The following NTRK1 variants were observed in gnomAD, a reference collection of about 807,000 sequenced individuals.
NTRK1 encodes high affinity nerve growth factor receptor.
In NTRK1, 62 loss-of-function variants were observed where a neutral mutation model predicts 86.8. That is an observed-to-expected ratio of 0.71 (90% CI 0.58 to 0.88). The LOEUF (loss-of-function observed/expected upper bound fraction) is 0.88, where lower values mean the gene tolerates loss of function less well. Ranked by LOEUF, NTRK1 falls within the 40% of genes least tolerant of loss-of-function variation. NTRK1 has a pLI of 0.00. For missense variants in NTRK1, 967 were observed against 1,078.4 expected (o/e 0.90, Z 1.45); for synonymous variants, 469 against 456.6 (o/e 1.03, Z -0.35).
At chr1:156,825,840 G>A (rs1654303505) in intron 1 of NTRK1, among the ~76,000 whole-genome samples, 1 of 152,220 alleles carries the variant, frequency 6.6e-6, no homozygotes, top group South Asian at 2.1e-4. Context: ...ACTGTGCTAA[G>A]TGCTTTACCG....
At chr1:156,826,293 C>CTT (rs386368405) in intron 1 of NTRK1, among the ~76,000 whole-genome samples, 2,521 of 88,276 alleles carry the variant, frequency 0.029, 382 homozygotes, top group African/African-American at 0.084. Flanking sequence ...GACTTGAGCT[C>CTT]TTTTTTTTTT....
chr1:156,833,938 C>A (rs530805765), intron 1 of NTRK1, among the ~76,000 whole-genome samples: 1 of 152,332 alleles, frequency 6.6e-6, no homozygotes, highest in South Asian at 2.1e-4. Flanking sequence ...AACCTCAACT[C>A]GCCTCTTTGT....
intron 2 of NTRK1, chr1:156,846,827 A>C: frequency 8.1e-7 from 1 of 1,242,152 alleles, no homozygotes; most frequent in Non-Finnish European, 1.2e-6. Flanking sequence ...CCCGCTCTGA[A>C]TCACCCCAGG....
chr1:156,860,979 G>T lies in NTRK1; in HGVS notation c.45G>T (p.Trp15Cys). 6.6e-7 allele frequency: 1 copy of T among 1,524,774 alleles called. No homozygotes were observed. Among genetic ancestry groups the T allele is most frequent in the South Asian group, 1.2e-5 (1 of 82,572 alleles). The allele number at this position is 1,524,774 out of a possible 1,614,324, so 94.5% of individuals were successfully genotyped here. Residue 15 changes from tryptophan to cysteine, a missense_variant, in exon 1 of 17, where the codon TGG becomes TGT. Coordinates refer to ENST00000524377, the MANE Select transcript of NTRK1 (RefSeq NM_002529.4). The part of the protein sequence containing the change: ...GRRGQLGWHS[W>C]AAGPGSLLAW... ...GCGGGCAGCTTGGCTGGCACAGCTG[G>T]GCTGCGGGGCCGGGCAGCCTGCTGG...
intron 7 of NTRK1, among the ~76,000 whole-genome samples, chr1:156,872,055 G>A (rs1430415207): frequency 6.6e-6 from 1 of 151,996 alleles, no homozygotes; most frequent in Non-Finnish European, 1.5e-5. Context: ...TTTCATGCCC[G>A]TCCCTCATCG....
At position 156,879,303 on chromosome 1, in the gene NTRK1, G is replaced by A. The variant is rs1571702915; in HGVS notation, c.1987G>A (p.Val663Met). Residue 663 changes from valine (V) to methionine (M), a missense_variant, in exon 15 of 17, where the codon GTG becomes ATG. Coordinates refer to ENST00000524377, the MANE Select transcript of NTRK1 (RefSeq NM_002529.4). Reference protein sequence around the residue: ...TRNCLVGQGLVVKIGDFGMSR... With the variant: ...TRNCLVGQGLMVKIGDFGMSR... ...CAACTGTCTAGTGGGCCAGGGACTGGTGGTCAAGATTGGTGATTTTGGCAT... is the reference window on the plus strand; with the variant it reads ...CAACTGTCTAGTGGGCCAGGGACTGATGGTCAAGATTGGTGATTTTGGCAT... 6.2e-7 allele frequency: 1 copy of A among 1,613,186 alleles called. No homozygotes were observed. The highest frequency in any genetic ancestry group is 8.5e-7 in the Non-Finnish European group (1 of 1,180,034).
At position 156,829,856 on chromosome 1, in the gene NTRK1, T is replaced by C. The variant is rs552174364; in HGVS notation, c.-63-12225T>C. Among the ~76,000 whole-genome samples the C allele has an allele frequency of 1.9e-3, 297 of 152,332 alleles. 1 individual carries two copies. Among genetic ancestry groups the C allele is most frequent in the African/African-American group, 6.7e-3 (277 of 41,576 alleles). On this transcript the variant is annotated intron_variant, in intron 1 of 16. Transcript: ENST00000392302. ...TAGTAGAGATGGGGGTTTCACCACG[T>C]TGGCCAGGCTGGTCTTGAACTCCTG...
intron 2 of NTRK1, chr1:156,849,205 G>A (rs760829400): frequency 1.2e-6 from 2 of 1,607,426 alleles, no homozygotes; most frequent in South Asian, 1.1e-5. Context: ...CGTGTCTAGT[G>A]TGTGGCCGCG....
At chr1:156,865,329 G>C (rs1332992836) in intron 3 of NTRK1, among the ~76,000 whole-genome samples, 1 of 152,170 alleles carries the variant, frequency 6.6e-6, no homozygotes, top group African/African-American at 2.4e-5. Flanking sequence ...TGGTGCGGGA[G>C]GAGAGGATGA....
chr1:156,873,987 C>G (rs1647735602), intron 8 of NTRK1, 28 bp downstream of exon 8: 2 of 1,546,442 alleles, frequency 1.3e-6, no homozygotes, highest in Non-Finnish European at 1.8e-6. Flanking sequence ...AACCCTGCCC[C>G]CACTCCTGGG....
intron 1 of NTRK1, among the ~76,000 whole-genome samples, chr1:156,828,594 C>T (rs1188406618): frequency 6.6e-6 from 1 of 152,242 alleles, no homozygotes; most frequent in Non-Finnish European, 1.5e-5. Flanking sequence ...TCTTCACTCA[C>T]ACGCCTGTGT....
chr1:156,817,075 C>CT (rs1553256337), intron 1 of NTRK1, among the ~76,000 whole-genome samples: 5 of 126,096 alleles, frequency 4.0e-5, no homozygotes, highest in South Asian at 2.6e-4. Context: ...CTCTCTCTCT[C>CT]ATCTCTCTTG....
At chr1:156,870,993 GT>G (rs1471969201) in intron 6 of NTRK1, among the ~76,000 whole-genome samples, 1 of 152,182 alleles carries the variant, frequency 6.6e-6, no homozygotes, top group Non-Finnish European at 1.5e-5. Flanking sequence ...CGCTGCTGTT[GT>G]TTCTAACTGC....
At chr1:156,855,687 T>C (rs1005110202) in intron 2 of NTRK1, among the ~76,000 whole-genome samples, 4 of 151,962 alleles carry the variant, frequency 2.6e-5, no homozygotes, top group Non-Finnish European at 5.9e-5. Flanking sequence ...TAGCCAGGCA[T>C]GGTGGTGCAC....
intron 7 of NTRK1, 98 bp downstream of exon 7, chr1:156,871,853 T>C (rs557727205): frequency 8.8e-5 from 134 of 1,518,452 alleles, no homozygotes; most frequent in Middle Eastern, 5.6e-4. Context: ...GGGTGGGATG[T>C]GTGTCTCCAC....
Position 156,861,130 on chromosome 1 carries a change from G to T in NTRK1, c.196G>T (p.Glu66Ter). The T allele has an allele frequency of 6.3e-7, 1 of 1,579,460 alleles. No homozygotes were observed. The highest frequency in any genetic ancestry group is 8.6e-7 in the Non-Finnish European group (1 of 1,166,578). The change falls in exon 1 of 17, where the codon GAG (glutamate) becomes TAG (stop). Residue 66 changes from glutamate to a stop codon, truncating the protein, a stop_gained. Transcript: ENST00000524377. LOFTEE classifies it high-confidence loss of function. Reference sequence around the variant, plus strand: ...TAGCCTCCACCACCTGCCCGGCGCAGAGAACCTGACTGAGCTGTGAGTGTC... The same window carrying T: ...TAGCCTCCACCACCTGCCCGGCGCATAGAACCTGACTGAGCTGTGAGTGTC... The part of the protein sequence containing the change: ...LDSLHHLPGA[E>*]NLTELYIENQ...
intron 2 of NTRK1, chr1:156,845,046 G>T: frequency 6.3e-7 from 1 of 1,583,250 alleles, no homozygotes; most frequent in South Asian, 1.1e-5. Flanking sequence ...TCGGTGATGG[G>T]GGTAGAAGGT....
intron 1 of NTRK1, chr1:156,816,750 T>C (rs1653980963): frequency 5.8e-6 from 9 of 1,556,414 alleles, no homozygotes; most frequent in Non-Finnish European, 6.9e-6. Flanking sequence ...GGTGTGTGTA[T>C]GTGTTCCGGA....
intron 4 of NTRK1, 46 bp downstream of exon 4, chr1:156,867,024 G>GC (rs754542453): frequency 4.3e-5 from 68 of 1,589,926 alleles, no homozygotes; most frequent in Non-Finnish European, 5.7e-5. Context: ...GTGTGTGTGT[G>GC]CCTGTGTGCA....
Sources: allele counts gnomAD v4.1 joint callset (sites outside exome capture counted in the v4.1 genomes callset), GRCh38; gene constraint gnomAD v4.1.1; transcripts MANE v1.5; gene names NCBI Gene and HGNC (gene_info 2026-07-23, HGNC 2026-07-21).